Variants in PPARGC1A observed in about 807,000 individuals in gnomAD.
PPARGC1A encodes the protein PPARG coactivator 1 alpha, also known as peroxisome proliferator-activated receptor gamma coactivator 1-alpha.
Under a neutral mutation model 88.7 loss-of-function variants are expected in PPARGC1A, and 25 were observed. The ratio of observed to expected loss-of-function variants is 0.28; its 90% CI spans 0.21 to 0.39. The LOEUF (loss-of-function observed/expected upper bound fraction) is 0.39, where lower values mean the gene tolerates loss of function less well. Ranked by LOEUF, PPARGC1A falls within the 10% of genes least tolerant of loss-of-function variation. PPARGC1A has a pLI of 1.00. For synonymous variants in PPARGC1A, 363 were observed against 355.6 expected (o/e 1.02, Z -0.24); for missense variants, 880 against 968.7 (o/e 0.91, Z 1.22).
the PPARGC1A span, among the ~76,000 whole-genome samples, chr4:24,084,966 A>T: frequency 3.9e-5 from 6 of 152,202 alleles, no homozygotes; most frequent in Non-Finnish European, 8.8e-5. Context: ...AGAAAAGGTC[A>T]GTCTACATCC....
At chr4:24,226,919 A>C in the PPARGC1A span, among the ~76,000 whole-genome samples, 7 of 152,120 alleles carry the variant, frequency 4.6e-5, no homozygotes, top group South Asian at 2.1e-4. Flanking sequence ...TCACTCTCCC[A>C]CACCCCCTCC....
At chr4:24,325,963 T>A in the PPARGC1A span, among the ~76,000 whole-genome samples, 8 of 152,166 alleles carry the variant, frequency 5.3e-5, no homozygotes, top group African/African-American at 1.9e-4. Flanking sequence ...CCAGTTCCCT[T>A]ATTAGGCCGA....
chr4:24,142,161 T>G, the PPARGC1A span, among the ~76,000 whole-genome samples: 4 of 152,142 alleles, frequency 2.6e-5, no homozygotes, highest in African/African-American at 4.8e-5. Context: ...CACAAACATT[T>G]ATTGACACCA....
the PPARGC1A span, among the ~76,000 whole-genome samples, chr4:24,066,936 G>A: frequency 1.4e-5 from 2 of 147,840 alleles, no homozygotes; most frequent in African/African-American, 5.0e-5. Flanking sequence ...TGCTTTAGGC[G>A]GTGAAGGCCA....
chr4:24,209,652 G>A, the PPARGC1A span, among the ~76,000 whole-genome samples: 2 of 152,164 alleles, frequency 1.3e-5, no homozygotes, highest in African/African-American at 4.8e-5. Context: ...AACTTGCCAA[G>A]AAAGGAGCAT....
At chr4:24,010,658 T>C in the PPARGC1A span, among the ~76,000 whole-genome samples, 1 of 152,214 alleles carries the variant, frequency 6.6e-6, no homozygotes, top group East Asian at 1.9e-4. Flanking sequence ...TTGACTGCTT[T>C]CTATAAAAAT....
chr4:23,901,090 G>A (rs998411639), upstream of PPARGC1A, among the ~76,000 whole-genome samples: 3 of 152,044 alleles, frequency 2.0e-5, no homozygotes, highest in South Asian at 2.1e-4. Flanking sequence ...CCAGGAGGCC[G>A]GGCACGGTGG....
At chr4:24,206,142 G>A in the PPARGC1A span, among the ~76,000 whole-genome samples, 135,815 of 152,152 alleles carry the variant, frequency 0.89, 61,245 homozygotes, top group South Asian at 0.97. Flanking sequence ...AAAGATGTAG[G>A]CATTTTAATA....
the PPARGC1A span, among the ~76,000 whole-genome samples, chr4:24,179,851 A>G: frequency 6.6e-6 from 1 of 152,202 alleles, no homozygotes; most frequent in Non-Finnish European, 1.5e-5. Flanking sequence ...GAATTATTTT[A>G]TAATTAATAA....
chr4:24,181,289 CCT>C, the PPARGC1A span, among the ~76,000 whole-genome samples: 1 of 152,098 alleles, frequency 6.6e-6, no homozygotes, highest in African/African-American at 2.4e-5. Context: ...CAAATTTTCC[CCT>C]GATTTAATTC....
chr4:24,394,477 A>G, the PPARGC1A span, among the ~76,000 whole-genome samples: 1 of 152,220 alleles, frequency 6.6e-6, no homozygotes, highest in Non-Finnish European at 1.5e-5. Context: ...TCAGGTAGAC[A>G]GATCTTTAAG....
At chr4:24,183,783 G>A in the PPARGC1A span, among the ~76,000 whole-genome samples, 1 of 152,150 alleles carries the variant, frequency 6.6e-6, no homozygotes, top group East Asian at 1.9e-4. Context: ...AAAAACGCAA[G>A]ATTCAACTTA....
the PPARGC1A span, among the ~76,000 whole-genome samples, chr4:24,147,556 C>T: frequency 2.6e-5 from 4 of 152,234 alleles, no homozygotes; most frequent in South Asian, 2.1e-4. Context: ...TCCCTATACC[C>T]GGTCTTGGCC....
the PPARGC1A span, among the ~76,000 whole-genome samples, chr4:24,142,412 C>T: frequency 6.6e-6 from 1 of 150,726 alleles, no homozygotes; most frequent in Admixed American, 6.6e-5. Context: ...GTGGCTCATG[C>T]CTATAATCCC....
chr4:23,841,452 A>G (rs984999568), intron 2 of PPARGC1A, among the ~76,000 whole-genome samples: 1 of 152,012 alleles, frequency 6.6e-6, no homozygotes, highest in African/African-American at 2.4e-5. Context: ...TTATGTATTT[A>G]TATACCTTAA....
chr4:23,825,859 T>G (rs1214113571), intron 5 of PPARGC1A, among the ~76,000 whole-genome samples: 1 of 152,176 alleles, frequency 6.6e-6, no homozygotes, highest in East Asian at 1.9e-4. Context: ...TTACATTAAT[T>G]TTTGAGTATG....
At chr4:23,925,743 T>C in the PPARGC1A span, among the ~76,000 whole-genome samples, 2 of 152,166 alleles carry the variant, frequency 1.3e-5, no homozygotes, top group Admixed American at 1.3e-4. Context: ...ATTTTTCATG[T>C]CCAACTGTAT....
chr4:24,356,465 A>G, the PPARGC1A span, among the ~76,000 whole-genome samples: 1 of 152,214 alleles, frequency 6.6e-6, no homozygotes, highest in African/African-American at 2.4e-5. Context: ...TAAGTAAATT[A>G]CAGGCTGTAT....
the PPARGC1A span, among the ~76,000 whole-genome samples, chr4:24,330,508 C>T: frequency 6.6e-6 from 1 of 152,148 alleles, no homozygotes; most frequent in Admixed American, 6.5e-5. Flanking sequence ...CTATCTTGCA[C>T]ATCCAGCCCA....
Sources: allele counts gnomAD v4.1 joint callset (sites outside exome capture counted in the v4.1 genomes callset), GRCh38; gene constraint gnomAD v4.1.1; transcripts MANE v1.5; gene names NCBI Gene and HGNC (gene_info 2026-07-23, HGNC 2026-07-21).